Variants in CUBN observed in about 807,000 individuals in gnomAD.
CUBN encodes the protein cubilin, also known as 460 kDa receptor.
A neutral mutation model predicts 405.3 loss-of-function variants in CUBN; 282 were observed. The observed-to-expected ratio is 0.70, with a 90% CI of 0.63 to 0.77. The LOEUF is 0.77. CUBN is among the 30% of genes least tolerant of loss of function. The probability of loss-of-function intolerance (pLI) is 0.00; values close to 1 mark genes in which losing one functional copy is unlikely to be tolerated. For missense variants in CUBN, 4,514 were observed against 4,475.2 expected (o/e 1.01, Z -0.25); for synonymous variants, 1,684 against 1,617.0 (o/e 1.04, Z -0.99).
At chr10:17,011,252 G>C (rs1016101062) in intron 28 of CUBN, among the ~76,000 whole-genome samples, 2 of 152,140 alleles carry the variant, frequency 1.3e-5, no homozygotes, top group African/African-American at 2.4e-5. Flanking sequence ...TGAAGCCACG[G>C]ACCCTCACAG....
At chr10:16,918,202 G>T (rs1285366611) in intron 45 of CUBN, among the ~76,000 whole-genome samples, 1 of 152,150 alleles carries the variant, frequency 6.6e-6, no homozygotes, top group African/African-American at 2.4e-5. Context: ...TAGCCCTGTA[G>T]TATAGTTTCA....
chr10:16,939,521 AG>A (rs1842600393), intron 37 of CUBN, among the ~76,000 whole-genome samples: 1 of 152,236 alleles, frequency 6.6e-6, no homozygotes, highest in African/African-American at 2.4e-5. Flanking sequence ...AAAAACTGAT[AG>A]TTTGAAATTA....
In CUBN at chr10:16,876,879, G is replaced by A; in HGVS notation, c.9106+18C>T. On this transcript the variant is annotated intron_variant, in intron 57 of 66. Coordinates refer to ENST00000377833, the MANE Select transcript of CUBN (RefSeq NM_001081.4). ...AGAAAAGAAGAAAATTCCAAACTCT[G>A]TCATTATGGCTACTCACAGATTATC... 6.2e-7 allele frequency: 1 copy of A among 1,607,212 alleles called. No homozygotes were observed. Among genetic ancestry groups the A allele is most frequent in the Non-Finnish European group, 8.5e-7 (1 of 1,173,824 alleles).
In CUBN at chr10:16,915,059, T is replaced by C. The variant is rs1290533026; in HGVS notation, c.7324A>G (p.Arg2442Gly). The stretch of plus-strand genomic sequence containing the variant: ...TCCATACTGGATTCAAATCGCAGTC[T>C]GAATCCTGAGGCAGTCACAGAGCCG... ...TDGSVTASGF[R>G]LRFESSMEEC... Residue 2442 changes from arginine (R) to glycine (G), a missense_variant, in exon 47 of 67, where the codon AGA (arginine) becomes GGA (glycine). This residue lies in a region of CUBN where 1,613 missense variants were observed against 1,542.8 expected (regional missense o/e 1.05). Transcript: ENST00000377833. 1.9e-6 allele frequency: 3 copies of C among 1,613,966 alleles called. No homozygotes were observed. Among genetic ancestry groups the C allele is most frequent in the Admixed American group, 3.3e-5 (2 of 60,008 alleles).
At chr10:16,918,872 C>G in intron 44 of CUBN, 72 bp from the exon 45 acceptor site, 1 of 1,343,004 alleles carries the variant, frequency 7.4e-7, no homozygotes, top group Non-Finnish European at 1.1e-6. Flanking sequence ...ACCTTACTTA[C>G]TTTCTTTGAA....
At chr10:16,874,231 T>A in intron 58 of CUBN, 143 bp downstream of exon 58, 1 of 903,182 alleles carries the variant, frequency 1.1e-6, no homozygotes, top group Non-Finnish European at 1.8e-6. Context: ...CAGGTTGAAC[T>A]GTCATCTAGG....
At chr10:17,001,310 T>A (rs1040946697) in intron 28 of CUBN, among the ~76,000 whole-genome samples, 1 of 152,164 alleles carries the variant, frequency 6.6e-6, no homozygotes, top group Non-Finnish European at 1.5e-5. Context: ...TTGCCACTGG[T>A]GCGCAGGAGG....
At chr10:16,918,930 C>G in intron 44 of CUBN, 130 bp from the exon 45 acceptor site, 1 of 853,204 alleles carries the variant, frequency 1.2e-6, no homozygotes, top group Non-Finnish European at 1.9e-6. Flanking sequence ...ATGATAGAAT[C>G]AGCATAAGCC....
At chr10:16,966,106 G>A in intron 31 of CUBN, 3 of 415,594 alleles carry the variant, frequency 7.2e-6, no homozygotes, top group South Asian at 5.4e-5. Context: ...AAATAGGGTG[G>A]GAGTCCCCCA....
intron 36 of CUBN, among the ~76,000 whole-genome samples, chr10:16,940,570 C>T (rs1047105690): frequency 6.6e-6 from 1 of 152,150 alleles, no homozygotes; most frequent in Non-Finnish European, 1.5e-5. Context: ...AAAGCAGAGG[C>T]ATCATATTTG....
At chr10:16,855,892 C>G (rs1439588922) in intron 59 of CUBN, among the ~76,000 whole-genome samples, 2 of 152,174 alleles carry the variant, frequency 1.3e-5, no homozygotes, top group African/African-American at 4.8e-5. Context: ...AGCAATTGCT[C>G]TAATTCCCCC....
chr10:16,910,038 C>T (rs1435160590), intron 48 of CUBN, among the ~76,000 whole-genome samples: 1 of 152,070 alleles, frequency 6.6e-6, no homozygotes, highest in Non-Finnish European at 1.5e-5. Flanking sequence ...TTCTTCTTCA[C>T]TCTTTTCTTT....
chr10:17,059,367 G>A (rs1221748621), intron 22 of CUBN, among the ~76,000 whole-genome samples: 4 of 152,104 alleles, frequency 2.6e-5, no homozygotes, highest in Non-Finnish European at 5.9e-5. Context: ...ACAGAAATAG[G>A]ATAAGCTGAT....
At chr10:16,849,357 ACT>A (rs1261294818) in intron 60 of CUBN, among the ~76,000 whole-genome samples, 2 of 97,790 alleles carry the variant, frequency 2.0e-5, no homozygotes, top group African/African-American at 5.1e-5. Flanking sequence ...TGAGAGCCTG[ACT>A]CTCTGAAATC....
chr10:17,095,383 T>C (rs905844427), intron 14 of CUBN, among the ~76,000 whole-genome samples: 3 of 151,914 alleles, frequency 2.0e-5, no homozygotes. Context: ...AACTGAAATA[T>C]ATAAAAAACT....
intron 22 of CUBN, among the ~76,000 whole-genome samples, chr10:17,048,567 C>A (rs1234749600): frequency 3.3e-5 from 5 of 151,770 alleles, no homozygotes; most frequent in African/African-American, 1.2e-4. Flanking sequence ...AACCTCTGCC[C>A]CCCGAGTTCA....
At chr10:16,895,854 T>A (rs1841166214) in intron 54 of CUBN, among the ~76,000 whole-genome samples, 1 of 152,246 alleles carries the variant, frequency 6.6e-6, no homozygotes, top group South Asian at 2.1e-4. Context: ...TTGGTCTAAC[T>A]AAACTATTTA....
In CUBN at chr10:17,061,685, C is replaced by A. The variant is rs191164225; in HGVS notation, c.3139+3823G>T. ...GGGAGGCCAAGAAAGCCCAGTAGGG[C>A]TCATCTCTAATCCTGTGTTGTTGTT... On this transcript the variant is annotated intron_variant, in intron 22 of 66. Coordinates refer to ENST00000377833, the MANE Select transcript of CUBN (RefSeq NM_001081.4). 1.2e-3 allele frequency among the ~76,000 whole-genome samples: 184 copies of A among 152,312 alleles called. 2 individuals carry two copies. Among genetic ancestry groups the A allele is most frequent in the African/African-American group, 4.1e-3 (171 of 41,576 alleles).
At chr10:17,008,534 C>G (rs1448155630) in intron 28 of CUBN, among the ~76,000 whole-genome samples, 1 of 151,612 alleles carries the variant, frequency 6.6e-6, no homozygotes, top group African/African-American at 2.4e-5. Context: ...CGACTCAGTT[C>G]CATCCTCTTG....
Sources: gnomAD v4.1 joint callset for allele counts (sites outside exome capture counted in the v4.1 genomes callset) on GRCh38, gnomAD v4.1.1 for gene constraint, gnomAD v4.1.1 regional missense constraint, MANE v1.5 for transcripts, NCBI Gene and HGNC (gene_info 2026-07-23, HGNC 2026-07-21) for gene names.